The following VSIG10 variants were observed in gnomAD, a reference collection of about 807,000 sequenced individuals.
VSIG10 encodes the protein V-set and immunoglobulin domain-containing protein 10.
In VSIG10, 48 loss-of-function variants were observed where a neutral mutation model predicts 58.7. That is an observed-to-expected ratio of 0.82 (90% CI 0.65 to 1.04). VSIG10 has a LOEUF of 1.04. VSIG10 is among the 50% of genes least tolerant of loss of function. VSIG10 has a pLI of 0.00. For synonymous variants in VSIG10, 260 were observed against 267.1 expected (o/e 0.97, Z 0.26); for missense variants, 628 against 670.0 (o/e 0.94, Z 0.69).
intron 1 of VSIG10, among the ~76,000 whole-genome samples, chr12:118,096,317 G>A (rs755608468): frequency 5.9e-5 from 9 of 151,934 alleles, no homozygotes; most frequent in East Asian, 1.9e-4. Context: ...GGTGGCTAAC[G>A]CCTGTAATCC....
At chr12:118,088,030 G>A (rs2033180876) in intron 2 of VSIG10, among the ~76,000 whole-genome samples, 1 of 151,892 alleles carries the variant, frequency 6.6e-6, no homozygotes, top group Admixed American at 6.6e-5. Flanking sequence ...TGGATCACGA[G>A]GTTAGGAGTT....
chr12:118,099,253 CTT>C (rs1354173536), intron 1 of VSIG10, among the ~76,000 whole-genome samples: 1 of 146,590 alleles, frequency 6.8e-6, no homozygotes, highest in Admixed American at 6.9e-5. Context: ...CCCTGTCTCT[CTT>C]TTTGTTTGTT....
intron 8 of VSIG10, 84 bp from the exon 9 acceptor site, chr12:118,066,778 T>G: frequency 7.1e-7 from 1 of 1,408,404 alleles, no homozygotes; most frequent in Non-Finnish European, 9.7e-7. Flanking sequence ...TCTCAGTGAT[T>G]TCTAGTCCTT....
At position 118,068,588 on chromosome 12, in the gene VSIG10, G is replaced by A. The variant is rs773335068; in HGVS notation, c.1356C>T (p.Asn452=). ...WKVGNTSRGQ[N]MDDVMVLVDS... is the part of the protein sequence containing the mutation. ...CCACCAAAACCATGACATCATCCAT[G>A]TTTTGTCCCCTAATTTCCAAAGGGG... The change falls in exon 8 of 9, where the codon AAC becomes AAT. Residue 452 remains asparagine, a synonymous_variant. Coordinates refer to ENST00000359236, the MANE Select transcript of VSIG10 (RefSeq NM_019086.6). 368 of 1,553,918 alleles carry A rather than the reference G, an allele frequency of 2.4e-4. 1 individual carries two copies. Among genetic ancestry groups the A allele is most frequent in the Non-Finnish European group, 3.0e-4 (350 of 1,148,204 alleles).
At chr12:118,101,224 A>T (rs2033615140) in intron 1 of VSIG10, among the ~76,000 whole-genome samples, 1 of 152,206 alleles carries the variant, frequency 6.6e-6, no homozygotes, top group Non-Finnish European at 1.5e-5. Flanking sequence ...GATGAGATTG[A>T]GTCCTGGTTC....
chr12:118,084,412 G>T (rs990937324), intron 2 of VSIG10, among the ~76,000 whole-genome samples: 3 of 152,174 alleles, frequency 2.0e-5, no homozygotes, highest in African/African-American at 4.8e-5. Context: ...GTGCTAATCA[G>T]TTAATGTGTA....
At chr12:118,077,124 C>T (rs2032759637) in intron 4 of VSIG10, among the ~76,000 whole-genome samples, 1 of 152,168 alleles carries the variant, frequency 6.6e-6, no homozygotes, top group Non-Finnish European at 1.5e-5. Flanking sequence ...GGGGACACAA[C>T]TGAACCCCCA....
intron 5 of VSIG10, 58 bp from the exon 6 acceptor site, chr12:118,071,527 A>C: frequency 3.4e-6 from 5 of 1,476,710 alleles, no homozygotes; most frequent in South Asian, 1.1e-5. Flanking sequence ...AATTAGAACA[A>C]CACCTCCCTT....
At chr12:118,070,019 T>C (rs138992879) in intron 7 of VSIG10, among the ~76,000 whole-genome samples, 1 of 152,228 alleles carries the variant, frequency 6.6e-6, no homozygotes, top group Non-Finnish European at 1.5e-5. Flanking sequence ...GGCCCTCCAA[T>C]ACAGGGCAGT....
Position 118,103,903 on chromosome 12 carries a change from G to T in VSIG10, c.-232C>A, listed in dbSNP as rs1028177128. The T allele has an allele frequency of 9.5e-6, 4 of 419,250 alleles. No homozygotes were observed. Among genetic ancestry groups the T allele is most frequent in the Non-Finnish European group, 1.7e-5 (4 of 237,460 alleles). 26.0% of individuals were successfully genotyped at this position (419,250 alleles called of 1,614,324 possible). On this transcript the variant is annotated 5_prime_UTR_variant, in exon 1 of 9. Coordinates refer to ENST00000359236, the MANE Select transcript of VSIG10 (RefSeq NM_019086.6). ...CGCTCCCGAGCGCCCTGGCCGGGGA[G>T]GGAGGGCGCACCCCGCCCCCTGCGC... is the stretch of plus-strand genomic sequence containing the variant.
At position 118,095,606 on chromosome 12, in the gene VSIG10, T is replaced by A; in HGVS notation, c.288A>T (p.Gly96=). 6.2e-7 allele frequency: 1 copy of A among 1,613,398 alleles called. No homozygotes were observed. Among genetic ancestry groups the A allele is most frequent in the Non-Finnish European group, 8.5e-7 (1 of 1,179,740 alleles). The part of the protein sequence containing the change: ...TSLHIESLSL[G]DEGIYTCQEI... ...CCTGGCAGGTGTAGATTCCCTCATC[T>A]CCCAGGCTCAGCGATTCAATGTGCA... Residue 96 remains glycine, a synonymous_variant, in exon 2 of 9, where the codon GGA becomes GGT. Transcript: ENST00000359236.
chr12:118,091,874 C>T (rs2033310032), intron 2 of VSIG10, among the ~76,000 whole-genome samples: 1 of 152,004 alleles, frequency 6.6e-6, no homozygotes, highest in African/African-American at 2.4e-5. Context: ...TCTCTTGCCT[C>T]AGCTTCCCGA....
intron 2 of VSIG10, among the ~76,000 whole-genome samples, chr12:118,094,104 A>G (rs1592890900): frequency 6.6e-6 from 1 of 151,890 alleles, no homozygotes; most frequent in Non-Finnish European, 1.5e-5. Flanking sequence ...TTGACTCCAT[A>G]TGTTTTTTTT....
At chr12:118,076,274 C>A (rs1304059059) in intron 4 of VSIG10, among the ~76,000 whole-genome samples, 1 of 152,030 alleles carries the variant, frequency 6.6e-6, no homozygotes, top group Non-Finnish European at 1.5e-5. Flanking sequence ...TTCCAACCTG[C>A]AGCTGCGGGC....
chr12:118,064,053 A>C lies in VSIG10; in HGVS notation c.*2586T>G, dbSNP rs2032165406. On this transcript the variant is annotated 3_prime_UTR_variant, in exon 9 of 9. Coordinates refer to ENST00000359236, the MANE Select transcript of VSIG10 (RefSeq NM_019086.6). ...CTCATGGTCTCTAAGTTAACAATAC[A>C]TGCAGATAAGATTTTTTTTAAAGCA... is the stretch of plus-strand genomic sequence containing the variant. 1.3e-5 allele frequency: 2 copies of C among 152,210 alleles called. No homozygotes were observed. The highest frequency in any genetic ancestry group is 2.9e-5 in the Non-Finnish European group (2 of 68,042). The allele number at this position is 152,210 out of a possible 1,614,324, so 9.4% of individuals were successfully genotyped here.
chr12:118,086,715 T>G (rs1479534677), intron 2 of VSIG10, among the ~76,000 whole-genome samples: 31 of 152,170 alleles, frequency 2.0e-4, no homozygotes, highest in Admixed American at 2.0e-3. Context: ...AGCAACATAA[T>G]GAGGCCCTGT....
intron 7 of VSIG10, among the ~76,000 whole-genome samples, chr12:118,070,357 G>C (rs1289768913): frequency 6.6e-6 from 1 of 152,032 alleles, no homozygotes; most frequent in East Asian, 1.9e-4. Context: ...AGACTAGCCT[G>C]GGCAACATGG....
intron 8 of VSIG10, among the ~76,000 whole-genome samples, chr12:118,068,032 T>TC (rs1435147681): frequency 7.5e-6 from 1 of 132,862 alleles, no homozygotes; most frequent in Non-Finnish European, 1.6e-5. Flanking sequence ...GCTTTTTTTT[T>TC]TTTTTTTTTT....
chr12:118,084,397 AG>A (rs1404748978), intron 2 of VSIG10, among the ~76,000 whole-genome samples: 55 of 152,326 alleles, frequency 3.6e-4, no homozygotes, highest in Non-Finnish European at 4.9e-4. Context: ...TGCACCACAC[AG>A]TCTGTGCTAA....
Sources: gnomAD v4.1 joint callset for allele counts (sites outside exome capture counted in the v4.1 genomes callset) on GRCh38, gnomAD v4.1.1 for gene constraint, MANE v1.5 for transcripts, NCBI Gene and HGNC (gene_info 2026-07-23, HGNC 2026-07-21) for gene names.